The following CTNNA2 variants were observed in gnomAD, a reference collection of about 807,000 sequenced individuals.
CTNNA2 encodes the protein catenin alpha 2.
CTNNA2 carries 42 observed loss-of-function variants against 101.0 expected under a neutral mutation model. The ratio of observed to expected loss-of-function variants is 0.42; its 90% CI spans 0.32 to 0.54. The LOEUF is 0.54. CTNNA2 is among the 20% of genes least tolerant of loss of function. CTNNA2 has a pLI of 0.14. For synonymous variants in CTNNA2, 450 were observed against 456.4 expected (o/e 0.99, Z 0.18); for missense variants, 871 against 1,223.1 (o/e 0.71, Z 4.29).
chr2:80,199,024 T>TA (rs931499355), intron 7 of CTNNA2, among the ~76,000 whole-genome samples: 25 of 150,964 alleles, frequency 1.7e-4, no homozygotes, highest in African/African-American at 5.6e-4. Flanking sequence ...CTACTAAAAA[T>TA]AAAAAAATTA....
At chr2:79,817,679 A>G (rs1304400425) in intron 3 of CTNNA2, among the ~76,000 whole-genome samples, 1 of 152,210 alleles carries the variant, frequency 6.6e-6, no homozygotes, top group Non-Finnish European at 1.5e-5. Flanking sequence ...GGCAAAACCT[A>G]GATCGAGAAC....
chr2:79,549,742 T>C (rs1238542112), intron 1 of CTNNA2, among the ~76,000 whole-genome samples: 1 of 152,214 alleles, frequency 6.6e-6, no homozygotes, highest in Non-Finnish European at 1.5e-5. Context: ...ATCTGTTTTT[T>C]GTAGTGCCAG....
At chr2:80,126,130 C>T (rs984103333) in intron 7 of CTNNA2, among the ~76,000 whole-genome samples, 4 of 152,110 alleles carry the variant, frequency 2.6e-5, no homozygotes, top group African/African-American at 9.7e-5. Flanking sequence ...TCTTTGCCTA[C>T]ATTTTTACCT....
chr2:80,428,819 C>T (rs139291853), intron 9 of CTNNA2, among the ~76,000 whole-genome samples: 61 of 152,180 alleles, frequency 4.0e-4, no homozygotes, highest in Non-Finnish European at 5.6e-4. Context: ...CAGAGTGAGA[C>T]GCTATCTCAA....
At chr2:80,113,400 C>A (rs2148864919) in intron 7 of CTNNA2, among the ~76,000 whole-genome samples, 1 of 152,264 alleles carries the variant, frequency 6.6e-6, no homozygotes, top group East Asian at 1.9e-4. Context: ...GTAAACAGTT[C>A]TTGGTGTGCA....
intron 1 of CTNNA2, among the ~76,000 whole-genome samples, chr2:79,519,303 C>G (rs955154468): frequency 3.3e-5 from 5 of 150,940 alleles, no homozygotes; most frequent in African/African-American, 1.2e-4. Flanking sequence ...TGCACTTATG[C>G]CTTTCATGTA....
At chr2:80,471,892 G>T (rs969970827) in intron 9 of CTNNA2, among the ~76,000 whole-genome samples, 2 of 152,214 alleles carry the variant, frequency 1.3e-5, no homozygotes, top group Non-Finnish European at 2.9e-5. Context: ...TTAGGAGGCC[G>T]AGGTGAGTGG....
intron 2 of CTNNA2, among the ~76,000 whole-genome samples, chr2:79,663,933 T>C (rs1275158065): frequency 6.6e-6 from 1 of 152,246 alleles, no homozygotes; most frequent in African/African-American, 2.4e-5. Flanking sequence ...TGCCTCGTTT[T>C]CTTCTAAAGT....
intron 7 of CTNNA2, among the ~76,000 whole-genome samples, chr2:80,373,099 AG>A (rs1267300638): frequency 3.3e-5 from 5 of 152,162 alleles, no homozygotes; most frequent in Non-Finnish European, 5.9e-5. Context: ...TGATCATTCT[AG>A]GAGTCTCAGT....
intron 3 of CTNNA2, among the ~76,000 whole-genome samples, chr2:79,339,141 A>G (rs1204154210): frequency 1.3e-5 from 2 of 149,796 alleles, no homozygotes; most frequent in Non-Finnish European, 3.0e-5. Flanking sequence ...TGAACAGGGG[A>G]TGTTCTAGCA....
chr2:79,477,051 T>G (rs995808968), intron 4 of CTNNA2, among the ~76,000 whole-genome samples: 1 of 152,252 alleles, frequency 6.6e-6, no homozygotes, highest in South Asian at 2.1e-4. Flanking sequence ...TACAGACCTA[T>G]GTCCTCTAAA....
rs536448566 is a variant in CTNNA2, at chr2:80,406,552, C to T, written c.1138-12897C>T. ...AACTAGTTGAAAGGGGATGGCTGGG[C>T]GTGGTGGCTCACGCCTGTAATCCCA... On this transcript the variant is annotated intron_variant, in intron 8 of 18. Coordinates refer to ENST00000402739, the MANE Select transcript of CTNNA2 (RefSeq NM_001282597.3). Among the ~76,000 whole-genome samples, 9 of 152,036 alleles carry T rather than the reference C, an allele frequency of 5.9e-5. No homozygotes were observed. The East Asian group carries it at 1.8e-3, about 30-fold the overall frequency.
At chr2:79,682,385 T>C (rs13005898) in intron 2 of CTNNA2, among the ~76,000 whole-genome samples, 54,641 of 133,908 alleles carry the variant, frequency 0.41, 11,026 homozygotes, top group Admixed American at 0.51. Flanking sequence ...CACTCCAGCC[T>C]GGGTGACAGA....
chr2:80,372,469 T>G (rs894398104), intron 7 of CTNNA2, among the ~76,000 whole-genome samples: 2 of 152,064 alleles, frequency 1.3e-5, no homozygotes, highest in Non-Finnish European at 2.9e-5. Context: ...TAATTGGACT[T>G]GAGTGTAGAA....
chr2:79,909,693 G>A lies in CTNNA2; in HGVS notation c.952G>A (p.Ala318Thr). The A allele has an allele frequency of 6.2e-7, 1 of 1,613,924 alleles. No homozygotes were observed. The highest frequency in any genetic ancestry group is 8.5e-7 in the Non-Finnish European group (1 of 1,179,898). ...ESIISGAALM[A>T]DSSCTRDDRR... ...CATCATCAGCGGCGCAGCGCTGATG[G>A]CCGACTCCTCCTGCACGCGAGACGA... The change falls in exon 7 of 19, where the codon GCC becomes ACC. Residue 318 changes from alanine to threonine, a missense_variant. This residue lies in a region of CTNNA2 where 647 missense variants were observed against 831.5 expected (regional missense o/e 0.78). Coordinates refer to ENST00000402739, the MANE Select transcript of CTNNA2 (RefSeq NM_001282597.3).
intron 2 of CTNNA2, among the ~76,000 whole-genome samples, chr2:79,733,365 G>C (rs1687320813): frequency 6.6e-6 from 1 of 152,026 alleles, no homozygotes; most frequent in African/African-American, 2.4e-5. Context: ...CAAAGAGCTT[G>C]TATTATGAAT....
rs544026886 is a variant in CTNNA2 at position 80,315,917 on chromosome 2, A to T, written c.1057-77294A>T. 4.6e-5 allele frequency among the ~76,000 whole-genome samples: 7 copies of T among 152,310 alleles called. No homozygotes were observed. In the South Asian group the frequency reaches 1.5e-3, roughly 32 times the overall value. On this transcript the variant is annotated intron_variant, in intron 7 of 18. Transcript: ENST00000402739. Reference sequence around the variant, plus strand: ...GTGCAGGTATCACCTATGGCTTGTTAGAAATGCAGAATCTCAGGCCCCACC... The same window carrying T: ...GTGCAGGTATCACCTATGGCTTGTTTGAAATGCAGAATCTCAGGCCCCACC...
intron 7 of CTNNA2, among the ~76,000 whole-genome samples, chr2:79,957,254 A>G (rs1437219717): frequency 6.6e-6 from 1 of 152,170 alleles, no homozygotes; most frequent in Non-Finnish European, 1.5e-5. Flanking sequence ...TGTGCTGGTC[A>G]TTATGCATCT....
chr2:79,662,974 G>T (rs2861854), intron 2 of CTNNA2, among the ~76,000 whole-genome samples: 83,929 of 151,938 alleles, frequency 0.55, 23,386 homozygotes, highest in East Asian at 0.74. Flanking sequence ...CTCCGACTTG[G>T]TTGGTACTCC....
Sources: allele counts gnomAD v4.1 joint callset (sites outside exome capture counted in the v4.1 genomes callset), GRCh38; gene constraint gnomAD v4.1.1; regional missense constraint gnomAD v4.1.1; transcripts MANE v1.5; gene names NCBI Gene and HGNC (gene_info 2026-07-23, HGNC 2026-07-21).